Variants in ZNF487 observed in about 807,000 individuals in gnomAD.
The protein encoded by ZNF487 is zinc finger protein 487, also known as KRAB domain only 1.
In ZNF487, 4 loss-of-function variants were observed where a neutral mutation model predicts 3.0. That is an observed-to-expected ratio of 1.35 (90% CI 0.66 to 3.08). The LOEUF (loss-of-function observed/expected upper bound fraction) is 3.08. Ranked by LOEUF, ZNF487 falls within the 30% of genes most tolerant of loss-of-function variation. The probability of loss-of-function intolerance (pLI) is 0.01; values close to 1 mark genes in which losing one functional copy is unlikely to be tolerated. For missense variants in ZNF487, 146 were observed against 98.7 expected (o/e 1.48, Z -2.03); for synonymous variants, 55 against 34.6 (o/e 1.59, Z -2.06).
the ZNF487 span, among the ~76,000 whole-genome samples, chr10:43,519,715 C>G: frequency 6.6e-6 from 1 of 152,186 alleles, no homozygotes; most frequent in Non-Finnish European, 1.5e-5. Context: ...ATCCGCCTAT[C>G]TTGGCCTCCC....
the ZNF487 span, among the ~76,000 whole-genome samples, chr10:43,505,300 T>G: frequency 6.7e-6 from 1 of 148,640 alleles, no homozygotes; most frequent in East Asian, 2.0e-4. Context: ...TTTTTTTTTG[T>G]TTGAGACAGA....
chr10:43,465,872 C>T (rs895238509), intron 1 of ZNF487, among the ~76,000 whole-genome samples: 8 of 152,286 alleles, frequency 5.3e-5, no homozygotes, highest in African/African-American at 1.9e-4. Context: ...GCCGAGATCA[C>T]GCCACTGCAC....
chr10:43,500,619 A>G, the ZNF487 span, among the ~76,000 whole-genome samples: 1 of 151,680 alleles, frequency 6.6e-6, no homozygotes, highest in South Asian at 2.1e-4. Context: ...CTCCCACCTC[A>G]GCCTCCTGAG....
intron 1 of ZNF487, among the ~76,000 whole-genome samples, chr10:43,457,793 C>A (rs1270952334): frequency 2.6e-5 from 4 of 151,650 alleles, no homozygotes; most frequent in Admixed American, 2.6e-4. Flanking sequence ...GAGGCCGAGG[C>A]GGGCGGATCA....
the ZNF487 span, among the ~76,000 whole-genome samples, chr10:43,511,703 T>C: frequency 6.6e-6 from 1 of 152,202 alleles, no homozygotes; most frequent in East Asian, 1.9e-4. Flanking sequence ...CTTGCCACCA[T>C]GGCCACTTTG....
chr10:43,447,469 T>G (rs925983800), intron 1 of ZNF487, among the ~76,000 whole-genome samples: 20 of 152,078 alleles, frequency 1.3e-4, no homozygotes, highest in Non-Finnish European at 1.9e-4. Flanking sequence ...CTTGAACTCC[T>G]GACCTCAAGT....
At chr10:43,472,985 G>T (rs1397219883) in intron 1 of ZNF487, among the ~76,000 whole-genome samples, 6 of 145,312 alleles carry the variant, frequency 4.1e-5, no homozygotes, top group African/African-American at 1.6e-4. Flanking sequence ...GGTAGAGGTT[G>T]CAGTGAGCCA....
At chr10:43,438,908 C>T (rs1455566971) in intron 1 of ZNF487, among the ~76,000 whole-genome samples, 1 of 151,960 alleles carries the variant, frequency 6.6e-6, no homozygotes, top group Non-Finnish European at 1.5e-5. Flanking sequence ...TAGCGAGATC[C>T]TGTTTCCACA....
Position 43,463,111 on chromosome 10 carries a change from G to A in ZNF487, c.-93-12610G>A, listed in dbSNP as rs185150089. On this transcript the variant is annotated intron_variant, in intron 1 of 3. Coordinates refer to ENST00000437590, the MANE Select transcript of ZNF487 (RefSeq NM_001355444.3). ...TAGCTGGGTGAGGTGGTACATGCCT[G>A]TAATCCCAGCTGCTCGGGAGGCTGT... Among the ~76,000 whole-genome samples the A allele has an allele frequency of 3.3e-5, 5 of 152,028 alleles. No individual in the cohort carries two copies. The East Asian group carries it at 9.7e-4, about 29-fold the overall frequency.
chr10:43,445,430 T>C (rs1337351865), intron 1 of ZNF487, among the ~76,000 whole-genome samples: 1 of 152,186 alleles, frequency 6.6e-6, no homozygotes, highest in African/African-American at 2.4e-5. Flanking sequence ...GGATGCAGGA[T>C]ATTTTTGTAT....
intron 1 of ZNF487, among the ~76,000 whole-genome samples, chr10:43,467,386 G>C (rs1441232264): frequency 6.6e-6 from 1 of 151,236 alleles, no homozygotes; most frequent in Non-Finnish European, 1.5e-5. Flanking sequence ...TGTATTTTTA[G>C]TAGAGACAGG....
intron 1 of ZNF487, among the ~76,000 whole-genome samples, chr10:43,447,018 C>G (rs920986942): frequency 9.9e-5 from 15 of 152,050 alleles, no homozygotes; most frequent in African/African-American, 3.6e-4. Flanking sequence ...ACGGCGAAAC[C>G]CCGTCTCCAC....
chr10:43,496,048 C>A, the ZNF487 span: 10 of 534,304 alleles, frequency 1.9e-5, no homozygotes, highest in Middle Eastern at 1.6e-3. Context: ...TGACTGTGGA[C>A]TTCACCCAGG....
intron 1 of ZNF487, among the ~76,000 whole-genome samples, chr10:43,457,001 G>A (rs1840229603): frequency 6.6e-6 from 1 of 152,130 alleles, no homozygotes; most frequent in African/African-American, 2.4e-5. Flanking sequence ...GAGAGATGTG[G>A]GTGCTTCCAC....
intron 1 of ZNF487, chr10:43,453,888 G>C (rs932193996): frequency 1.3e-5 from 2 of 152,014 alleles, no homozygotes; most frequent in Non-Finnish European, 2.9e-5. Flanking sequence ...CCAAGCAAGG[G>C]CTGCCTGATG....
intron 1 of ZNF487, among the ~76,000 whole-genome samples, chr10:43,456,028 A>G (rs1840186687): frequency 6.6e-6 from 1 of 152,214 alleles, no homozygotes; most frequent in Non-Finnish European, 1.5e-5. Context: ...CATCGTTGCC[A>G]AGTATAATGC....
intron 1 of ZNF487, among the ~76,000 whole-genome samples, chr10:43,445,352 C>T (rs1383740299): frequency 6.6e-6 from 1 of 152,070 alleles, no homozygotes; most frequent in Non-Finnish European, 1.5e-5. Flanking sequence ...CATTGTAGGT[C>T]ATGTTTTCTT....
At chr10:43,445,371 G>T (rs1333863445) in intron 1 of ZNF487, among the ~76,000 whole-genome samples, 1 of 152,084 alleles carries the variant, frequency 6.6e-6, no homozygotes, top group Non-Finnish European at 1.5e-5. Flanking sequence ...TTGCCTGTTT[G>T]CATGCCTGGT....
the ZNF487 span, among the ~76,000 whole-genome samples, chr10:43,498,802 C>T: frequency 4.0e-5 from 6 of 151,842 alleles, no homozygotes; most frequent in South Asian, 6.3e-4. Context: ...ATTAGCCGGG[C>T]GTAGTGGCGG....
Sources: allele counts gnomAD v4.1 joint callset (sites outside exome capture counted in the v4.1 genomes callset), GRCh38; gene constraint gnomAD v4.1.1; transcripts MANE v1.5; gene names NCBI Gene and HGNC (gene_info 2026-07-23, HGNC 2026-07-21).